RFX1: variants seen among roughly 807,000 people sequenced by gnomAD.
RFX1 encodes regulatory factor X1, also known as MHC class II regulatory factor RFX1.
Under a neutral mutation model 119.6 loss-of-function variants are expected in RFX1, and 42 were observed. The ratio of observed to expected loss-of-function variants is 0.35; its 90% confidence interval spans 0.27 to 0.45. RFX1 has a LOEUF of 0.45. Ranked by LOEUF, RFX1 falls within the 20% of genes least tolerant of loss-of-function variation. The pLI, the probability that RFX1 is intolerant of heterozygous loss-of-function variation, is 1.00. For synonymous variants in RFX1, 628 were observed against 618.5 expected (o/e 1.02, Z -0.23); for missense variants, 1,118 against 1,368.1 (o/e 0.82, Z 2.88).
Position 13,968,953 on chromosome 19 carries a change from G to A in RFX1, c.1497-59C>T. The A allele has an allele frequency of 6.6e-7, 1 of 1,526,260 alleles. No individual in the cohort carries two copies. The highest frequency in any genetic ancestry group is 8.8e-7 in the Non-Finnish European group (1 of 1,137,854). The allele number at this position is 1,526,260 out of a possible 1,614,324, so 94.5% of individuals were successfully genotyped here. ...GGGGTCTGCCGGCTGGCCGGCCATGGAGCACCTCACAGCACACCCGTCTCC... is the reference window on the plus strand; with the variant it reads ...GGGGTCTGCCGGCTGGCCGGCCATGAAGCACCTCACAGCACACCCGTCTCC... On this transcript the variant is annotated intron_variant, in intron 10 of 20. Transcript: ENST00000254325. The surrounding 1 kb of genome is among the most constrained non-coding windows in gnomAD (Gnocchi z 5.5).
chr19:13,993,091 T>C (rs913513094), intron 2 of RFX1, among the ~76,000 whole-genome samples: 6 of 152,132 alleles, frequency 3.9e-5, no homozygotes, highest in Admixed American at 6.5e-5. Context: ...GCCAGGAGTT[T>C]GAGACCTGCC....
In RFX1 at chr19:14,002,801, G is replaced by A. The variant is rs544012137; in HGVS notation, c.-53+3302C>T. Among the ~76,000 whole-genome samples the A allele has an allele frequency of 6.6e-5, 10 of 152,314 alleles. No homozygotes were observed. In the South Asian group the frequency reaches 1.9e-3, roughly 28 times the overall value. ...GCTATTGAAGGCAGCATCTCTGCGG[G>A]CGGGGCAGCCTGGCCATCCCCTTCC... is the stretch of plus-strand genomic sequence containing the variant. On this transcript the variant is annotated intron_variant, in intron 1 of 20. Transcript: ENST00000254325.
At chr19:14,005,342 T>TTTGCTTCCTCC (rs1975337141) in intron 1 of RFX1, among the ~76,000 whole-genome samples, 1 of 152,176 alleles carries the variant, frequency 6.6e-6, no homozygotes, top group East Asian at 1.9e-4. Context: ...TTGCTTCCTC[T>TTTGCTTCCTCC]TTGCTTCCTC....
At chr19:13,983,384 C>G in intron 3 of RFX1, 102 bp downstream of exon 3, 1 of 1,251,634 alleles carries the variant, frequency 8.0e-7, no homozygotes, top group Non-Finnish European at 1.1e-6. Flanking sequence ...GAGCAGATGG[C>G]TCCAGCAGGA....
In RFX1 at chr19:13,994,925, T is replaced by C. The variant is rs888082753; in HGVS notation, c.-52-1030A>G. On this transcript the variant is annotated intron_variant, in intron 1 of 20. Transcript: ENST00000254325. ...ATATATATATATATATATATATATA[T>C]ATATATATATATAATCATTTTTTTC... 2.5e-5 allele frequency among the ~76,000 whole-genome samples: 3 copies of C among 122,198 alleles called. 1 individual carries two copies. Among genetic ancestry groups the C allele is most frequent in the African/African-American group, 6.9e-5 (2 of 28,950 alleles). 80.2% of individuals were successfully genotyped at this position (122,198 alleles called of 152,430 possible). A position where few individuals can be genotyped will look rare whatever the true frequency, so the allele number is the denominator to read the frequency against.
rs568393108 is a variant in RFX1 at position 13,966,027 on chromosome 19, T to A, written c.1962-250A>T. Among the ~76,000 whole-genome samples the A allele has an allele frequency of 6.6e-6, 1 of 152,114 alleles. No individual in the cohort carries two copies. Among genetic ancestry groups the A allele is most frequent in the South Asian group, 2.1e-4 (1 of 4,828 alleles). Reference sequence around the variant, plus strand: ...CCCAACCCAGGGTCACTGGGGGCACTCTGTGGCCCTGCCCCCAGCGTCAGA... The same window carrying A: ...CCCAACCCAGGGTCACTGGGGGCACACTGTGGCCCTGCCCCCAGCGTCAGA... On this transcript the variant is annotated intron_variant, in intron 14 of 20. Coordinates refer to ENST00000254325, the MANE Select transcript of RFX1 (RefSeq NM_002918.5). This position sits in a 1 kb window ranked among gnomAD's most constrained non-coding sequence, Gnocchi z 6.3.
chr19:13,994,722 T>A (rs942418002), intron 1 of RFX1, among the ~76,000 whole-genome samples: 1 of 68,948 alleles, frequency 1.5e-5, no homozygotes, highest in African/African-American at 1.3e-4. Context: ...AATATATATG[T>A]GTGTGTGTGT....
Position 13,969,745 on chromosome 19 carries a change from G to T in RFX1, c.1496+249C>A. 2.2e-6 allele frequency: 1 copy of T among 445,740 alleles called. No homozygotes were observed. Among genetic ancestry groups the T allele is most frequent in the Admixed American group, 3.9e-5 (1 of 25,870 alleles). The allele number at this position is 445,740 out of a possible 1,614,324, so 27.6% of individuals were successfully genotyped here. A position where few individuals can be genotyped will look rare whatever the true frequency, so the allele number is the denominator to read the frequency against. On this transcript the variant is annotated intron_variant, in intron 10 of 20. Transcript: ENST00000254325. This position sits in a 1 kb window ranked among gnomAD's most constrained non-coding sequence, Gnocchi z 4.5. Reference sequence around the variant, plus strand: ...GTTGGGGGGTGTCGGGCAGGGGAGAGGGGGAGGCTGCAGTTTTAGTTGAGG... The same window carrying T: ...GTTGGGGGGTGTCGGGCAGGGGAGATGGGGAGGCTGCAGTTTTAGTTGAGG...
intron 1 of RFX1, among the ~76,000 whole-genome samples, chr19:14,002,705 G>T (rs1219302607): frequency 6.6e-6 from 1 of 152,140 alleles, no homozygotes; most frequent in African/African-American, 2.4e-5. Context: ...ATGCCTTCTG[G>T]TCCAGAACAG....
In RFX1 at chr19:13,966,310, C is replaced by T. The variant is rs1973894720; in HGVS notation, c.1961+111G>A. On this transcript the variant is annotated intron_variant, in intron 14 of 20. Transcript: ENST00000254325. This position sits in a 1 kb window ranked among gnomAD's most constrained non-coding sequence, Gnocchi z 6.3. ...CTCCACACAGCCAAGGATATGTGTA[C>T]CCCACAAACTGCAGGGGACAAGCAG... The T allele has an allele frequency of 6.0e-6, 4 of 671,802 alleles. No individual in the cohort carries two copies. Among genetic ancestry groups the T allele is most frequent in the South Asian group, 3.5e-5 (2 of 57,632 alleles). The allele number at this position is 671,802 out of a possible 1,614,324, so 41.6% of individuals were successfully genotyped here. A position where few individuals can be genotyped will look rare whatever the true frequency, so the allele number is the denominator to read the frequency against.
chr19:13,962,921 T>C, intron 20 of RFX1, 57 bp from the exon 21 acceptor site: 1 of 1,544,462 alleles, frequency 6.5e-7, no homozygotes, highest in Non-Finnish European at 8.7e-7. Flanking sequence ...CCCGGGCTCC[T>C]CCTCCTCCCG....
At chr19:13,984,163 T>G (rs2145595570) in intron 2 of RFX1, among the ~76,000 whole-genome samples, 1 of 150,888 alleles carries the variant, frequency 6.6e-6, no homozygotes, top group East Asian at 1.9e-4. Flanking sequence ...GTACTCACGC[T>G]GACAGGCAGC....
chr19:13,977,904 G>A (rs1974298290), intron 8 of RFX1, 88 bp downstream of exon 8: 1 of 1,029,890 alleles, frequency 9.7e-7, no homozygotes, highest in Non-Finnish European at 1.5e-6. Context: ...GCCTGCTGGG[G>A]GCTGGGACTG....
At chr19:13,997,662 G>A (rs1043407523) in intron 1 of RFX1, among the ~76,000 whole-genome samples, 1 of 152,228 alleles carries the variant, frequency 6.6e-6, no homozygotes, top group Non-Finnish European at 1.5e-5. Flanking sequence ...CTGGGCTTGC[G>A]GCAGGCTTGG....
At chr19:13,979,745 G>A (rs1481182697) in intron 6 of RFX1, among the ~76,000 whole-genome samples, 1 of 152,080 alleles carries the variant, frequency 6.6e-6, no homozygotes, top group African/African-American at 2.4e-5. Flanking sequence ...GTTGAACCTG[G>A]GACTAACTTC....
chr19:13,963,467 A>G, intron 18 of RFX1, 71 bp downstream of exon 18: 1 of 1,484,118 alleles, frequency 6.7e-7, no homozygotes, highest in Non-Finnish European at 9.1e-7. Flanking sequence ...GTCGTAGAAG[A>G]GCACCTGAGA....
rs1207363817 is a variant in RFX1 at position 13,993,908 on chromosome 19, G to C, written c.-52-13C>G. On this transcript the variant is annotated splice_polypyrimidine_tract_variant and intron_variant, in intron 1 of 20. Transcript: ENST00000254325. ...TTTTTTTTAATTCCTTGGGAAGAAA[G>C]ACGGGGATGGGGGAGAGAAAAACAA... 2 of 1,284,174 alleles carry C rather than the reference G, an allele frequency of 1.6e-6. No homozygotes were observed. Among genetic ancestry groups the C allele is most frequent in the Non-Finnish European group, 2.1e-6 (2 of 935,688 alleles). The allele number at this position is 1,284,174 out of a possible 1,614,324, so 79.5% of individuals were successfully genotyped here.
At chr19:13,975,760 G>A (rs1974238320) in intron 8 of RFX1, among the ~76,000 whole-genome samples, 1 of 152,212 alleles carries the variant, frequency 6.6e-6, no homozygotes, top group Admixed American at 6.5e-5. Flanking sequence ...AGCTCTGGAT[G>A]CCCCCCAGAA....
chr19:13,974,655 C>G lies in RFX1; in HGVS notation c.930-1528G>C, dbSNP rs112338962. ...CATCTGTGGGCATGGAGGGCTCCGTCGAGGGGGACAGGCAGGGGGCACCTC... is the reference window on the plus strand; with the variant it reads ...CATCTGTGGGCATGGAGGGCTCCGTGGAGGGGGACAGGCAGGGGGCACCTC... On this transcript the variant is annotated intron_variant, in intron 8 of 20. Transcript: ENST00000254325. Among the ~76,000 whole-genome samples the G allele has an allele frequency of 5.4e-3, 815 of 152,210 alleles. 8 individuals carry two copies. Among genetic ancestry groups the G allele is most frequent in the African/African-American group, 0.018 (764 of 41,524 alleles).
Sources: gnomAD v4.1 joint callset for allele counts (sites outside exome capture counted in the v4.1 genomes callset) on GRCh38, gnomAD v4.1.1 for gene constraint, Gnocchi (gnomAD v3.1) non-coding constraint, MANE v1.5 for transcripts, NCBI Gene and HGNC (gene_info 2026-07-23, HGNC 2026-07-21) for gene names.